NLRP4: variants seen among roughly 807,000 people sequenced by gnomAD.
NLRP4 encodes the protein NLR family pyrin domain containing 4, also known as NACHT, LRR and PYD domains-containing protein 4.
In NLRP4, 44 loss-of-function variants were observed where a neutral mutation model predicts 84.7. The observed-to-expected ratio is 0.52, with a 90% CI of 0.41 to 0.67. The LOEUF (loss-of-function observed/expected upper bound fraction) is 0.67, where lower values mean the gene tolerates loss of function less well. Ranked by LOEUF, NLRP4 falls within the 30% of genes least tolerant of loss-of-function variation. NLRP4 has a pLI of 0.00. For synonymous variants in NLRP4, 544 were observed against 476.4 expected (o/e 1.14, Z -1.85); for missense variants, 1,260 against 1,219.4 (o/e 1.03, Z -0.50).
At chr19:55,857,393 A>G (rs1357475210) in intron 2 of NLRP4, 1 of 464,336 alleles carries the variant, frequency 2.2e-6, no homozygotes, top group Admixed American at 3.8e-5. Flanking sequence ...CTTTTTGTGT[A>G]GAGGACCATA....
At chr19:55,863,448 G>T (rs899223895) in intron 5 of NLRP4, among the ~76,000 whole-genome samples, 1 of 152,182 alleles carries the variant, frequency 6.6e-6, no homozygotes, top group Non-Finnish European at 1.5e-5. Context: ...AAGCAGGCAC[G>T]TCTTACATGG....
At chr19:55,876,134 C>T (rs538911630) in intron 7 of NLRP4, among the ~76,000 whole-genome samples, 1 of 152,114 alleles carries the variant, frequency 6.6e-6, no homozygotes, top group Non-Finnish European at 1.5e-5. Flanking sequence ...AGCAGACAGA[C>T]CAGAGACACA....
rs758703352 is a variant in NLRP4, at chr19:55,858,093, G to A, written c.700G>A (p.Glu234Lys). The change falls in exon 3 of 10, where the codon GAA becomes AAA. Residue 234 changes from glutamate (E) to lysine (K), a missense_variant. Around this residue, in one of 3 missense-constraint regions of NLRP4, gnomAD observed 712 missense variants for 669.2 expected, o/e 1.06. Transcript: ENST00000301295. This position sits in a 1 kb window ranked among gnomAD's most constrained non-coding sequence, Gnocchi z 4.2. ...ERLLFVIDSF[E>K]ELQGGLNEPD... ...ACTCTTGTTCGTCATCGACAGCTTC[G>A]AAGAGCTGCAGGGCGGCTTGAACGA... The A allele has an allele frequency of 1.2e-6, 2 of 1,614,106 alleles. No homozygotes were observed. The highest frequency in any genetic ancestry group is 1.7e-5 in the Admixed American group (1 of 60,008).
intron 3 of NLRP4, among the ~76,000 whole-genome samples, chr19:55,859,953 C>CAAAAA (rs1171952787): frequency 0.039 from 2,207 of 55,936 alleles, 168 homozygotes; most frequent in African/African-American, 0.13. Flanking sequence ...AAAAAAAAAA[C>CAAAAA]AAAACACAAA....
chr19:55,870,119 C>T (rs773635544), intron 6 of NLRP4, among the ~76,000 whole-genome samples: 1 of 151,520 alleles, frequency 6.6e-6, no homozygotes, highest in Admixed American at 6.6e-5. Flanking sequence ...AAGTTTTGAA[C>T]CTACTGTGAT....
chr19:55,850,231 G>A (rs1465187067), intron 1 of NLRP4, among the ~76,000 whole-genome samples: 7 of 141,040 alleles, frequency 5.0e-5, no homozygotes, highest in Admixed American at 4.8e-4. Flanking sequence ...TGTAATTTCC[G>A]TGGCTGCGGT....
At chr19:55,855,868 C>G (rs1473807191) in intron 2 of NLRP4, among the ~76,000 whole-genome samples, 1 of 152,208 alleles carries the variant, frequency 6.6e-6, no homozygotes, top group African/African-American at 2.4e-5. Context: ...GCCTCTCCTG[C>G]AAAGAGGAAA....
rs528984146 is a variant in NLRP4 at position 55,878,765 on chromosome 19, G to C, written c.2697-29G>C. 3.1e-6 allele frequency: 5 copies of C among 1,589,372 alleles called. No individual in the cohort carries two copies. The Admixed American group carries it at 8.6e-5, about 27-fold the overall frequency. ...CTACCTCCACCCTGAGGCTGGGGCC[G>C]CATCTTACCATGTGTCTTTTTATTG... On this transcript the variant is annotated intron_variant, in intron 8 of 9. Transcript: ENST00000301295.
intron 2 of NLRP4, among the ~76,000 whole-genome samples, chr19:55,855,002 G>A (rs964155540): frequency 6.6e-6 from 1 of 152,266 alleles, no homozygotes; most frequent in South Asian, 2.1e-4. Flanking sequence ...AGGATTACAG[G>A]TGTGAACCAC....
chr19:55,844,033 G>A (rs1600218890), intron 1 of NLRP4, among the ~76,000 whole-genome samples: 2 of 152,072 alleles, frequency 1.3e-5, no homozygotes, highest in Non-Finnish European at 2.9e-5. Flanking sequence ...TGGGGCTGCT[G>A]TAACAACATA....
intron 2 of NLRP4, among the ~76,000 whole-genome samples, chr19:55,856,716 A>G (rs561102872): frequency 2.6e-5 from 4 of 152,000 alleles, no homozygotes; most frequent in South Asian, 2.1e-4. Context: ...GGGTTTCACC[A>G]TGTTGGCCAG....
chr19:55,874,994 A>G (rs943886032), intron 7 of NLRP4, among the ~76,000 whole-genome samples: 2 of 152,204 alleles, frequency 1.3e-5, no homozygotes, highest in Admixed American at 6.5e-5. Flanking sequence ...ATCAATGTAA[A>G]TCACTTTACT....
intron 3 of NLRP4, among the ~76,000 whole-genome samples, chr19:55,859,536 T>G (rs1046860973): frequency 2.0e-5 from 3 of 152,172 alleles, no homozygotes; most frequent in Admixed American, 6.5e-5. Context: ...CTTTCTCAAG[T>G]ATTAGCTGAT....
At chr19:55,842,761 ATTTTAT>A (rs1217441561) in intron 1 of NLRP4, among the ~76,000 whole-genome samples, 1 of 151,050 alleles carries the variant, frequency 6.6e-6, no homozygotes, top group Non-Finnish European at 1.5e-5. Flanking sequence ...ATTTCTTTTT[ATTTTAT>A]TTTTATTTTT....
At position 55,859,228 on chromosome 19, in the gene NLRP4, AAG is replaced by A. The variant is rs1984616496; in HGVS notation, c.1838_1839del (p.Glu613GlyfsTer2). ...TTTTCCGTTCAAAATGTCTTTAAGA[AAG>A]AGGATGAACACAGCTCTACGTGAGT... On this transcript the variant is annotated frameshift_variant, in exon 3 of 10. Transcript: ENST00000301295. LOFTEE classifies it high-confidence loss of function. 3.1e-6 allele frequency: 5 copies of A among 1,603,942 alleles called. No homozygotes were observed. Among genetic ancestry groups the A allele is most frequent in the Non-Finnish European group, 4.3e-6 (5 of 1,171,614 alleles).
intron 7 of NLRP4, among the ~76,000 whole-genome samples, chr19:55,876,490 A>C (rs774669482): frequency 2.0e-4 from 31 of 152,098 alleles, no homozygotes; most frequent in Non-Finnish European, 2.5e-4. Context: ...CTGGGACTAC[A>C]GGCACGCATC....
Position 55,867,778 on chromosome 19 carries a change from G to T in NLRP4, c.2256G>T (p.Lys752Asn). 6.2e-7 allele frequency: 1 copy of T among 1,614,140 alleles called. No individual in the cohort carries two copies. The highest frequency in any genetic ancestry group is 8.5e-7 in the Non-Finnish European group (1 of 1,179,966). ...CTGGCCTTCTAACCAACAACAAGAA[G>T]CTGACGTATCTGAATGTATCCTGCA... is the stretch of plus-strand genomic sequence containing the variant. ...VLAGLLTNNK[K>N]LTYLNVSCNQ... The change falls in exon 6 of 10, where the codon AAG (lysine) becomes AAT (asparagine). Residue 752 changes from lysine (K) to asparagine (N), a missense_variant. Lys to Asn is a moderately conservative substitution (Grantham distance 94, BLOSUM62 0). Coordinates refer to ENST00000301295, the MANE Select transcript of NLRP4 (RefSeq NM_134444.5).
intron 9 of NLRP4, among the ~76,000 whole-genome samples, chr19:55,880,928 C>T (rs1164667668): frequency 6.6e-6 from 1 of 152,122 alleles, no homozygotes; most frequent in African/African-American, 2.4e-5. Flanking sequence ...TAGCAGAGGG[C>T]CAGGGCCCAG....
chr19:55,861,539 G>C lies in NLRP4; in HGVS notation c.2010G>C (p.Gln670His), dbSNP rs748282516. The C allele has an allele frequency of 1.4e-5, 23 of 1,613,866 alleles. No homozygotes were observed. The South Asian group carries it at 2.4e-4, about 17-fold the overall frequency. ...TGAGGCATCCCAGCTGTCGCCTTCA[G>C]AAGCTTGGGTGAGTTGAGAATCGAC... ...NQLRHPSCRL[Q>H]KLGINNVSFS... is the part of the protein sequence containing the mutation. The change falls in exon 4 of 10, where the codon CAG becomes CAC. Residue 670 changes from glutamine to histidine, a missense_variant. Physicochemically the swap from Gln to His is conservative, Grantham distance 24. Coordinates refer to ENST00000301295, the MANE Select transcript of NLRP4 (RefSeq NM_134444.5).
Sources: allele counts gnomAD v4.1 joint callset (sites outside exome capture counted in the v4.1 genomes callset), GRCh38; gene constraint gnomAD v4.1.1; regional missense constraint gnomAD v4.1.1; non-coding constraint Gnocchi (gnomAD v3.1); transcripts MANE v1.5; gene names NCBI Gene and HGNC (gene_info 2026-07-23, HGNC 2026-07-21).